Variants in UHRF2 observed in about 807,000 individuals in gnomAD.
UHRF2 encodes E3 ubiquitin-protein ligase UHRF2.
UHRF2 carries 23 observed loss-of-function variants against 96.8 expected under a neutral mutation model. The observed-to-expected ratio is 0.24, with a 90% CI of 0.17 to 0.34. The LOEUF is 0.34. UHRF2 is among the 10% of genes least tolerant of loss of function. UHRF2 has a pLI of 1.00. For missense variants in UHRF2, 685 were observed against 981.5 expected, an observed-to-expected ratio of 0.70 and a Z score of 4.04; for synonymous variants, 385 against 332.6, an observed-to-expected ratio of 1.16 and a Z score of -1.72.
At chr9:6,436,011 G>C (rs1019711793) in intron 3 of UHRF2, among the ~76,000 whole-genome samples, 2 of 152,186 alleles carry the variant, frequency 1.3e-5, no homozygotes, top group Non-Finnish European at 2.9e-5. Flanking sequence ...TTAAAAAATT[G>C]TAGTACGAAA....
At chr9:6,466,467 G>T (rs766827480) in intron 4 of UHRF2, among the ~76,000 whole-genome samples, 31 of 150,010 alleles carry the variant, frequency 2.1e-4, no homozygotes, top group Non-Finnish European at 2.7e-4. Context: ...TTTAACTCAG[G>T]AGGCTGAGGT....
intron 2 of UHRF2, among the ~76,000 whole-genome samples, chr9:6,432,527 C>T (rs974056835): frequency 1.3e-5 from 2 of 152,180 alleles, no homozygotes; most frequent in Non-Finnish European, 2.9e-5. Context: ...ATTTCATTAG[C>T]TTTAACCTAG....
chr9:6,500,836 C>CCACT (rs1221005767), intron 14 of UHRF2, 127 bp downstream of exon 14: 1 of 825,048 alleles, frequency 1.2e-6, no homozygotes, highest in African/African-American at 1.8e-5. Flanking sequence ...TAATCCAGTG[C>CCACT]CACTACCTTT....
intron 3 of UHRF2, among the ~76,000 whole-genome samples, chr9:6,451,573 G>T (rs1821868805): frequency 6.6e-6 from 1 of 151,906 alleles, no homozygotes; most frequent in South Asian, 2.1e-4. Context: ...GCCCCCCGGG[G>T]TTCACACCAT....
chr9:6,489,603 C>T (rs913424070), intron 9 of UHRF2, among the ~76,000 whole-genome samples: 9 of 152,084 alleles, frequency 5.9e-5, no homozygotes, highest in African/African-American at 2.2e-4. Flanking sequence ...TTGTTTTAGC[C>T]ATTCTGATAG....
At chr9:6,494,452 A>T (rs1421536705) in intron 10 of UHRF2, 1 of 152,316 alleles carries the variant, frequency 6.6e-6, no homozygotes, top group Non-Finnish European at 1.5e-5. Flanking sequence ...TACAAAAGTG[A>T]TCTTTTCTAA....
Position 6,420,985 on chromosome 9 carries a change from A to G in UHRF2, c.227A>G (p.Asp76Gly). The change falls in exon 2 of 16, where the codon GAC (aspartate) becomes GGC (glycine). Residue 76 changes from aspartate to glycine, a missense_variant. Transcript: ENST00000276893. The stretch of plus-strand genomic sequence containing the variant: ...ATAATTCAGCTGCTAGTTCGCCCAG[A>G]CCCTGATCATCTTCCTGGCACATCT... Reference protein sequence around the residue: ...NDIIQLLVRPDPDHLPGTSTQ... With the variant: ...NDIIQLLVRPGPDHLPGTSTQ... The G allele has an allele frequency of 6.2e-7, 1 of 1,612,684 alleles. No homozygotes were observed. Among genetic ancestry groups the G allele is most frequent in the Non-Finnish European group, 8.5e-7 (1 of 1,179,542 alleles).
At chr9:6,468,898 C>G (rs1177134510) in intron 4 of UHRF2, among the ~76,000 whole-genome samples, 1 of 152,096 alleles carries the variant, frequency 6.6e-6, no homozygotes, top group African/African-American at 2.4e-5. Context: ...AATGTTAAAC[C>G]ACCACATTAT....
chr9:6,444,814 G>A (rs1409148061), intron 3 of UHRF2, among the ~76,000 whole-genome samples: 1 of 152,080 alleles, frequency 6.6e-6, no homozygotes. Context: ...TGTTGGCCAG[G>A]CTGGTCTTGA....
Position 6,506,097 on chromosome 9 carries a change from G to C in UHRF2, c.2327G>C (p.Gly776Ala). 1 of 1,614,122 alleles carries C rather than the reference G, an allele frequency of 6.2e-7. No individual in the cohort carries two copies. The highest frequency in any genetic ancestry group is 8.5e-7 in the Non-Finnish European group (1 of 1,180,014). Residue 776 changes from glycine (G) to alanine (A), a missense_variant, in exon 16 of 16, where the codon GGC becomes GCC. Around this residue, in one of 6 missense-constraint regions of UHRF2, gnomAD observed 71 missense variants for 114.1 expected, o/e 0.62. Transcript: ENST00000276893. ...FSCPACRHDL[G>A]QNYIMIPNEI... ...TGCCCTGCTTGCCGGCATGATCTTG[G>C]CCAGAATTACATCATGATTCCCAAT...
At chr9:6,430,557 C>T (rs1042428935) in intron 2 of UHRF2, among the ~76,000 whole-genome samples, 1 of 152,108 alleles carries the variant, frequency 6.6e-6, no homozygotes, top group African/African-American at 2.4e-5. Context: ...GTGAGCCTGC[C>T]TTTTATATAC....
At chr9:6,437,543 A>G (rs955672777) in intron 3 of UHRF2, among the ~76,000 whole-genome samples, 5 of 152,022 alleles carry the variant, frequency 3.3e-5, no homozygotes, top group African/African-American at 7.2e-5. Context: ...AGATTTTTTT[A>G]TTGAGTAGTA....
At chr9:6,464,566 T>C (rs190652483) in intron 4 of UHRF2, among the ~76,000 whole-genome samples, 47 of 152,276 alleles carry the variant, frequency 3.1e-4, no homozygotes, top group Admixed American at 2.2e-3. Flanking sequence ...TTTAATTGAC[T>C]TGGAGTAGAT....
At chr9:6,446,122 A>C (rs911342681) in intron 3 of UHRF2, among the ~76,000 whole-genome samples, 3 of 150,764 alleles carry the variant, frequency 2.0e-5, no homozygotes, top group Non-Finnish European at 2.9e-5. Flanking sequence ...CCTCCTAAGT[A>C]ACTAGGACTA....
At chr9:6,418,890 C>G (rs916564283) in intron 1 of UHRF2, among the ~76,000 whole-genome samples, 3 of 152,172 alleles carry the variant, frequency 2.0e-5, no homozygotes, top group Non-Finnish European at 4.4e-5. Flanking sequence ...GGGCCGTCCT[C>G]TGATAGCTCT....
rs1379904129 is a variant in UHRF2, at chr9:6,499,884, A to G, written c.1958A>G (p.Gln653Arg). 1 of 1,611,050 alleles carries G rather than the reference A, an allele frequency of 6.2e-7. No homozygotes were observed. Among genetic ancestry groups the G allele is most frequent in the South Asian group, 1.1e-5 (1 of 90,956 alleles). ...AAAGAAGGGAAGAAGCCTAAAGGAC[A>G]GTCAAAGAAGCAGCCCAGTGGAACC... ...SDKEGKKPKG[Q>R]SKKQPSGTTK... Residue 653 changes from glutamine to arginine, a missense_variant, in exon 13 of 16, where the codon CAG becomes CGG. Coordinates refer to ENST00000276893, the MANE Select transcript of UHRF2 (RefSeq NM_152896.3).
At chr9:6,489,051 C>T (rs1301910819) in intron 9 of UHRF2, among the ~76,000 whole-genome samples, 1 of 152,036 alleles carries the variant, frequency 6.6e-6, no homozygotes, top group Non-Finnish European at 1.5e-5. Flanking sequence ...CTCAAGTGAC[C>T]CGCCTACCTC....
At position 6,492,275 on chromosome 9, in the gene UHRF2, T is replaced by C. The variant is rs912824370; in HGVS notation, c.1498-1551T>C. On this transcript the variant is annotated intron_variant, in intron 9 of 15. Coordinates refer to ENST00000276893, the MANE Select transcript of UHRF2 (RefSeq NM_152896.3). Reference sequence around the variant, plus strand: ...CTCTTACTTTCCATTACTTTTTCTTTATGGCACTCCCATAATAACTTGAAA... The same window carrying C: ...CTCTTACTTTCCATTACTTTTTCTTCATGGCACTCCCATAATAACTTGAAA... 4 of 1,129,284 alleles carry C rather than the reference T, an allele frequency of 3.5e-6. No individual in the cohort carries two copies. The African/African-American group carries it at 4.8e-5, about 13-fold the overall frequency. The allele number at this position is 1,129,284 out of a possible 1,614,324, so 70.0% of individuals were successfully genotyped here. A position where few individuals can be genotyped will look rare whatever the true frequency, so the allele number is the denominator to read the frequency against.
At chr9:6,491,311 T>C (rs898564420) in intron 9 of UHRF2, among the ~76,000 whole-genome samples, 1 of 152,224 alleles carries the variant, frequency 6.6e-6, no homozygotes, top group East Asian at 1.9e-4. Context: ...CTGCCACATC[T>C]GTAAAATAAG....
Sources: allele counts gnomAD v4.1 joint callset (sites outside exome capture counted in the v4.1 genomes callset), GRCh38; gene constraint gnomAD v4.1.1; regional missense constraint gnomAD v4.1.1; transcripts MANE v1.5; gene names NCBI Gene and HGNC (gene_info 2026-07-23, HGNC 2026-07-21).